GCM2: variants seen among roughly 807,000 people sequenced by gnomAD.
The protein encoded by GCM2 is GCM transcription factor 2.
GCM2 carries 21 observed loss-of-function variants against 24.8 expected under a neutral mutation model. That is an observed-to-expected ratio of 0.85 (90% CI 0.60 to 1.22). GCM2 has a LOEUF of 1.22. Among genes scored for constraint, GCM2 ranks in the 50% most tolerant of loss-of-function variants. The pLI is 0.00. For missense variants in GCM2, 532 were observed against 645.6 expected, an observed-to-expected ratio of 0.82 and a Z score of 1.91; for synonymous variants, 222 against 238.0, an observed-to-expected ratio of 0.93 and a Z score of 0.62.
At chr6:10,879,323 A>T (rs749106522) in intron 1 of GCM2, among the ~76,000 whole-genome samples, 10 of 152,182 alleles carry the variant, frequency 6.6e-5, no homozygotes, top group Non-Finnish European at 1.5e-4. Flanking sequence ...TCCCTTAAGG[A>T]TGTAGACTAG....
At chr6:10,878,809 CT>C (rs1428781332) in intron 1 of GCM2, among the ~76,000 whole-genome samples, 11 of 152,286 alleles carry the variant, frequency 7.2e-5, no homozygotes, top group Admixed American at 6.5e-4. Context: ...AATAGATAAC[CT>C]TTCACAGTGG....
chr6:10,877,284 G>A lies in GCM2; in HGVS notation c.199C>T (p.Arg67Cys), dbSNP rs532834782. The change falls in exon 2 of 5, where the codon CGC (arginine) becomes TGC (cysteine). Residue 67 changes from arginine to cysteine, a missense_variant. By Grantham distance (180) the Arg-to-Cys change is radical. Around this residue, in one of 3 missense-constraint regions of GCM2, gnomAD observed 96 missense variants for 103.5 expected, o/e 0.93. Transcript: ENST00000379491. ...AQRHLSGWAMRNTNNHNGHIL... is the reference protein window; with the variant it reads ...AQRHLSGWAMCNTNNHNGHIL... The stretch of plus-strand genomic sequence containing the variant: ...TGGCCATTGTGGTTGTTGGTGTTGC[G>A]CATGGCCCAGCCGCTCAGGTGACGC... 1.2e-6 allele frequency: 2 copies of A among 1,614,082 alleles called. No homozygotes were observed. The highest frequency in any genetic ancestry group is 1.7e-5 in the Admixed American group (1 of 60,014).
At position 10,882,039 on chromosome 6, in the gene GCM2, A is replaced by G. The variant is rs763425744; in HGVS notation, c.-246T>C. 7.0e-5 allele frequency: 38 copies of G among 539,028 alleles called. No homozygotes were observed. Among genetic ancestry groups the G allele is most frequent in the Non-Finnish European group, 9.0e-5 (27 of 299,810 alleles). 33.4% of individuals were successfully genotyped at this position (539,028 alleles called of 1,614,324 possible). A position where few individuals can be genotyped will look rare whatever the true frequency, so the allele number is the denominator to read the frequency against. On this transcript the variant is annotated 5_prime_UTR_variant, in exon 1 of 5. The change abolishes an upstream ATG in the 5' untranslated region. Transcript: ENST00000379491. Reference sequence around the variant, plus strand: ...GAACGTTCTCCACCCGAACGGCAGCATCGACCTCTGGCAGCTGCCCCCTCC... The same window carrying G: ...GAACGTTCTCCACCCGAACGGCAGCGTCGACCTCTGGCAGCTGCCCCCTCC...
rs1359935979 is a variant in GCM2 at position 10,877,374 on chromosome 6, G to T, written c.109C>A (p.Gln37Lys). The change falls in exon 2 of 5, where the codon CAA becomes AAA. Residue 37 changes from glutamine to lysine, a missense_variant. Around this residue, in one of 3 missense-constraint regions of GCM2, gnomAD observed 96 missense variants for 103.5 expected, o/e 0.93. Transcript: ENST00000379491. Reference protein sequence around the residue: ...QMPQELALFDQFREWPDGYVR... With the variant: ...QMPQELALFDKFREWPDGYVR... ...TAGCCGTCAGGCCACTCTCGGAATT[G>T]GTCAAAGAGGGCCAGCTCCTGGAAG... 6.2e-7 allele frequency: 1 copy of T among 1,614,206 alleles called. No homozygotes were observed. Among genetic ancestry groups the T allele is most frequent in the Admixed American group, 1.7e-5 (1 of 60,024 alleles).
intron 1 of GCM2, among the ~76,000 whole-genome samples, chr6:10,879,358 T>C (rs1345361844): frequency 6.6e-6 from 1 of 152,200 alleles, no homozygotes; most frequent in Non-Finnish European, 1.5e-5. Flanking sequence ...CACGAGCTAC[T>C]GAGGTAGTGA....
intron 2 of GCM2, 42 bp downstream of exon 2, chr6:10,877,098 C>T: frequency 6.2e-7 from 1 of 1,603,518 alleles, no homozygotes. Flanking sequence ...ACAAAAAACT[C>T]ATGACTCCAA....
Position 10,874,279 on chromosome 6 carries a change from T to A in GCM2, c.1237A>T (p.Ser413Cys). ...GTATCTTCAGGAGCATAGTTACAGC[T>A]CGAAAGGCTCTTCACCTCTCGCACA... ...DSVREVKSLS[S>C]CNYAPEDTGM... Residue 413 changes from serine (S) to cysteine (C), a missense_variant, in exon 5 of 5, where the codon AGC (serine) becomes TGC (cysteine). Ser to Cys is a moderately radical substitution (Grantham distance 112). This residue lies in a region of GCM2 where 434 missense variants were observed against 521.9 expected (regional missense o/e 0.83). Coordinates refer to ENST00000379491, the MANE Select transcript of GCM2 (RefSeq NM_004752.4). The A allele has an allele frequency of 3.7e-6, 6 of 1,614,196 alleles. No homozygotes were observed. The highest frequency in any genetic ancestry group is 5.1e-6 in the Non-Finnish European group (6 of 1,180,036).
Position 10,881,554 on chromosome 6 carries a change from ATGTGTGTGTGTGTG to A in GCM2, c.90+136_90+149del, listed in dbSNP as rs35911329. On this transcript the variant is annotated intron_variant, in intron 1 of 4. Transcript: ENST00000379491. ...TCAGAAACCCAGAAATTTTGCGGGT[ATGTGTGTGTGTGTG>A]TGTGTGTGTGTGTGTGTGTGTGTGT... The A allele has an allele frequency of 6.4e-3, 2,745 of 430,464 alleles. 30 individuals are homozygous for A. Among genetic ancestry groups the A allele is most frequent in the African/African-American group, 0.018 (681 of 37,998 alleles). 26.7% of individuals were successfully genotyped at this position (430,464 alleles called of 1,614,324 possible). A position where few individuals can be genotyped will look rare whatever the true frequency, so the allele number is the denominator to read the frequency against.
Position 10,874,085 on chromosome 6 carries a change from A to T in GCM2, c.1431T>A (p.Thr477=), listed in dbSNP as rs780587572. The T allele has an allele frequency of 1.2e-6, 2 of 1,614,204 alleles. No homozygotes were observed. The highest frequency in any genetic ancestry group is 4.5e-5 in the East Asian group (2 of 44,886). ...PVSSRTDEAE[T]WDVCLSGLGS... Reference sequence around the variant, plus strand: ...CCAGCCCAGACAGACACACATCCCAAGTCTCTGCTTCATCTGTCCTAGAGG... The same window carrying T: ...CCAGCCCAGACAGACACACATCCCATGTCTCTGCTTCATCTGTCCTAGAGG... The change falls in exon 5 of 5, where the codon ACT becomes ACA. Residue 477 remains threonine (T), a synonymous_variant. Coordinates refer to ENST00000379491, the MANE Select transcript of GCM2 (RefSeq NM_004752.4).
intron 1 of GCM2, among the ~76,000 whole-genome samples, chr6:10,879,935 T>C (rs1281231425): frequency 6.6e-6 from 1 of 152,090 alleles, no homozygotes; most frequent in Admixed American, 6.5e-5. Context: ...AATGGTACCA[T>C]GTGACTCTAA....
chr6:10,877,162 G>A lies in GCM2; in HGVS notation c.321C>T (p.Asp107=), dbSNP rs750021806. 1.2e-6 allele frequency: 2 copies of A among 1,613,072 alleles called. No individual in the cohort carries two copies. The highest frequency in any genetic ancestry group is 8.5e-7 in the Non-Finnish European group (1 of 1,180,038). The change falls in exon 2 of 5, where the codon GAC becomes GAT. Residue 107 remains aspartate, a synonymous_variant. Transcript: ENST00000379491. ...CACTCTGCTGTTTCAGCCGTGCCTTGTCGCAGATGGCCGGCCTCAGCTGCA... is the reference window on the plus strand; with the variant it reads ...CACTCTGCTGTTTCAGCCGTGCCTTATCGCAGATGGCCGGCCTCAGCTGCA... ...SRLQLRPAIC[D]KARLKQQKKA...
In GCM2 at chr6:10,874,237, G is replaced by A. The variant is rs749101028; in HGVS notation, c.1279C>T (p.Pro427Ser). 1.2e-6 allele frequency: 2 copies of A among 1,614,158 alleles called. No individual in the cohort carries two copies. The highest frequency in any genetic ancestry group is 2.2e-5 in the East Asian group (1 of 44,874). ...GTCACCGGAGGACCCCAGGGTTCTG[G>A]ATAGACAGACATCCCAGTATCTTCA... ...APEDTGMSVY[P>S]EPWGPPVTVT... Residue 427 changes from proline (P) to serine (S), a missense_variant, in exon 5 of 5, where the codon CCA becomes TCA. This residue lies in a region of GCM2 where 434 missense variants were observed against 521.9 expected (regional missense o/e 0.83). Transcript: ENST00000379491.
rs35911329 is a variant in GCM2, at chr6:10,881,554, A to ATGTGTGTGTG, written c.90+140_90+149dup. 189 of 430,884 alleles carry ATGTGTGTGTG rather than the reference A, an allele frequency of 4.4e-4. 4 individuals carry two copies. Among genetic ancestry groups the ATGTGTGTGTG allele is most frequent in the African/African-American group, 2.5e-3 (96 of 38,032 alleles). The allele number at this position is 430,884 out of a possible 1,614,324, so 26.7% of individuals were successfully genotyped here. On this transcript the variant is annotated intron_variant, in intron 1 of 4. Coordinates refer to ENST00000379491, the MANE Select transcript of GCM2 (RefSeq NM_004752.4). Reference sequence around the variant, plus strand: ...TCAGAAACCCAGAAATTTTGCGGGTATGTGTGTGTGTGTGTGTGTGTGTGT... The same window carrying ATGTGTGTGTG: ...TCAGAAACCCAGAAATTTTGCGGGTATGTGTGTGTGTGTGTGTGTGTGTGTGTGTGTGTGT...
rs2113257643 is a variant in GCM2 at position 10,881,936 on chromosome 6, G to A, written c.-143C>T. ...GGAGGTGCAGAGAGAGAGAAAGAGAGAGAGGCTGTTTAGATATCTGGAAGC... is the reference window on the plus strand; with the variant it reads ...GGAGGTGCAGAGAGAGAGAAAGAGAAAGAGGCTGTTTAGATATCTGGAAGC... On this transcript the variant is annotated 5_prime_UTR_variant, in exon 1 of 5. Transcript: ENST00000379491. 4.2e-6 allele frequency: 3 copies of A among 717,874 alleles called. No individual in the cohort carries two copies. Among genetic ancestry groups the A allele is most frequent in the Middle Eastern group, 3.0e-4 (1 of 3,290 alleles). 44.5% of individuals were successfully genotyped at this position (717,874 alleles called of 1,614,324 possible).
In GCM2 at chr6:10,881,749, G is replaced by A. The variant is rs980629497; in HGVS notation, c.45C>T (p.Tyr15=). 5 of 1,610,994 alleles carry A rather than the reference G, an allele frequency of 3.1e-6. No individual in the cohort carries two copies. Among genetic ancestry groups the A allele is most frequent in the Admixed American group, 3.3e-5 (2 of 59,998 alleles). The change falls in exon 1 of 5, where the codon TAC becomes TAT. Residue 15 remains tyrosine (Y), a synonymous_variant. Coordinates refer to ENST00000379491, the MANE Select transcript of GCM2 (RefSeq NM_004752.4). ...AVQEAVGVCS[Y]GMQLSWDIND... ...TGATGTCCCAGCTGAGCTGCATCCCGTAGGAGCACACGCCGACCGCTTCCT... is the reference window on the plus strand; with the variant it reads ...TGATGTCCCAGCTGAGCTGCATCCCATAGGAGCACACGCCGACCGCTTCCT...
intron 2 of GCM2, 85 bp downstream of exon 2, chr6:10,877,055 T>A (rs574611800): frequency 2.0e-6 from 3 of 1,520,658 alleles, no homozygotes; most frequent in Non-Finnish European, 2.7e-6. Flanking sequence ...AGAGTGAGGC[T>A]CCATCTCAAA....
intron 4 of GCM2, among the ~76,000 whole-genome samples, chr6:10,875,321 T>C (rs899864413): frequency 1.3e-5 from 2 of 152,208 alleles, no homozygotes; most frequent in African/African-American, 4.8e-5. Context: ...AGATCCTTCA[T>C]CTTAAAAATG....
chr6:10,877,378 A>T lies in GCM2; in HGVS notation c.105T>A (p.Phe35Leu). 1 of 1,614,250 alleles carries T rather than the reference A, an allele frequency of 6.2e-7. No homozygotes were observed. ...DPQMPQELAL[F>L]DQFREWPDGY... is the part of the protein sequence containing the mutation. ...CGTCAGGCCACTCTCGGAATTGGTCAAAGAGGGCCAGCTCCTGGAAGAGTG... is the reference window on the plus strand; with the variant it reads ...CGTCAGGCCACTCTCGGAATTGGTCTAAGAGGGCCAGCTCCTGGAAGAGTG... The change falls in exon 2 of 5, where the codon TTT becomes TTA. Residue 35 changes from phenylalanine to leucine, a missense_variant. Phe to Leu is a conservative substitution (Grantham distance 22). This residue lies in a region of GCM2 where 96 missense variants were observed against 103.5 expected (regional missense o/e 0.93). Coordinates refer to ENST00000379491, the MANE Select transcript of GCM2 (RefSeq NM_004752.4).
chr6:10,881,844 A>G lies in GCM2; in HGVS notation c.-51T>C, dbSNP rs758793968. ...CCCAGGGTTCTGAAAAATAGAAGAA[A>G]AAAGGACAGGTGCGCCAGGTGGGTT... is the stretch of plus-strand genomic sequence containing the variant. On this transcript the variant is annotated 5_prime_UTR_variant, in exon 1 of 5. Coordinates refer to ENST00000379491, the MANE Select transcript of GCM2 (RefSeq NM_004752.4). The G allele has an allele frequency of 1.4e-6, 2 of 1,471,164 alleles. No individual in the cohort carries two copies. Among genetic ancestry groups the G allele is most frequent in the Admixed American group, 3.4e-5 (2 of 59,444 alleles). The allele number at this position is 1,471,164 out of a possible 1,614,324, so 91.1% of individuals were successfully genotyped here. A position where few individuals can be genotyped will look rare whatever the true frequency, so the allele number is the denominator to read the frequency against.
Sources: gnomAD v4.1 joint callset for allele counts (sites outside exome capture counted in the v4.1 genomes callset) on GRCh38, gnomAD v4.1.1 for gene constraint, gnomAD v4.1.1 regional missense constraint, MANE v1.5 for transcripts, NCBI Gene and HGNC (gene_info 2026-07-23, HGNC 2026-07-21) for gene names.